EFCAB13: variants seen among roughly 807,000 people sequenced by gnomAD.
EFCAB13 encodes the protein EF-hand calcium binding domain 13, also known as EF-hand calcium-binding domain-containing protein 13.
EFCAB13 carries 91 observed loss-of-function variants against 110.2 expected under a neutral mutation model. That is an observed-to-expected ratio of 0.83 (90% CI 0.70 to 0.98). The LOEUF (loss-of-function observed/expected upper bound fraction) is 0.98. EFCAB13 is among the 50% of genes least tolerant of loss of function. The pLI is 0.00. For missense variants in EFCAB13, 968 were observed against 1,119.4 expected (o/e 0.86, Z 1.93); for synonymous variants, 323 against 369.9 (o/e 0.87, Z 1.45).
chr17:47,369,274 C>G (rs1397266202), intron 10 of EFCAB13, among the ~76,000 whole-genome samples: 1 of 152,174 alleles, frequency 6.6e-6, no homozygotes, highest in Non-Finnish European at 1.5e-5. Flanking sequence ...ATCTAGATGA[C>G]TGAACTTCAG....
At chr17:47,349,843 C>T (rs922542364) in intron 9 of EFCAB13, among the ~76,000 whole-genome samples, 11 of 143,014 alleles carry the variant, frequency 7.7e-5, no homozygotes, top group African/African-American at 1.3e-4. Flanking sequence ...GGCGCAATCT[C>T]GGCTCACTGC....
chr17:47,369,571 A>T (rs1474183210), intron 10 of EFCAB13: 1 of 152,616 alleles, frequency 6.6e-6, no homozygotes, highest in East Asian at 1.9e-4. Context: ...TAAAATAAAC[A>T]TATCTTCCTG....
intron 12 of EFCAB13, among the ~76,000 whole-genome samples, chr17:47,376,878 A>C (rs2065618237): frequency 6.6e-6 from 1 of 152,186 alleles, no homozygotes; most frequent in African/African-American, 2.4e-5. Context: ...GTCTTGTATA[A>C]TACTCTTCAT....
At chr17:47,391,273 C>T (rs888248905) in intron 14 of EFCAB13, among the ~76,000 whole-genome samples, 164 bp from the exon 15 acceptor site, 8 of 152,030 alleles carry the variant, frequency 5.3e-5, no homozygotes, top group African/African-American at 1.9e-4. Flanking sequence ...GATTTTGATA[C>T]TTACTTTTTT....
chr17:47,397,677 T>C (rs1020948193), intron 17 of EFCAB13, among the ~76,000 whole-genome samples: 1 of 137,106 alleles, frequency 7.3e-6, no homozygotes. Flanking sequence ...CCGCCTGGGA[T>C]GTGAGGAGCG....
intron 22 of EFCAB13, among the ~76,000 whole-genome samples, chr17:47,413,232 G>A (rs765375150): frequency 1.7e-5 from 2 of 117,376 alleles, no homozygotes; most frequent in Non-Finnish European, 3.6e-5. Flanking sequence ...TTTTTCAGAG[G>A]AGATCTGCTT....
chr17:47,332,639 A>T lies in EFCAB13; in HGVS notation c.31-2557A>T, dbSNP rs77342384. On this transcript the variant is annotated intron_variant, in intron 4 of 24. Transcript: ENST00000331493. ...GTTTCTATGAGAACAACATTTTTAG[A>T]TTTCACATGTAAGTGAGATCATACA... Among the ~76,000 whole-genome samples the T allele has an allele frequency of 7.5e-3, 1,140 of 151,360 alleles. 16 individuals are homozygous for T. The highest frequency in any genetic ancestry group is 0.026 in the African/African-American group (1,086 of 41,192).
At chr17:47,378,404 A>G (rs1412375174) in intron 13 of EFCAB13, among the ~76,000 whole-genome samples, 2 of 152,128 alleles carry the variant, frequency 1.3e-5, no homozygotes, top group Non-Finnish European at 2.9e-5. Flanking sequence ...AGTTTCTAGG[A>G]AGGGTTTTTA....
At chr17:47,334,471 T>C (rs903281818) in intron 4 of EFCAB13, among the ~76,000 whole-genome samples, 4 of 152,238 alleles carry the variant, frequency 2.6e-5, no homozygotes, top group African/African-American at 7.2e-5. Flanking sequence ...GTTTAACTTA[T>C]CGATTATTTC....
chr17:47,324,034 G>T lies in EFCAB13; in HGVS notation c.-358G>T, dbSNP rs1412038547. ...GGCAGGGGCTGACCACAGAGAGCGC[G>T]GGGGCCTCCAGCCGAGAGGAAGGGA... On this transcript the variant is annotated 5_prime_UTR_variant, in exon 1 of 25. Transcript: ENST00000331493. The T allele has an allele frequency of 6.5e-6, 1 of 152,818 alleles. No homozygotes were observed. The highest frequency in any genetic ancestry group is 1.5e-5 in the Non-Finnish European group (1 of 68,500). 9.5% of individuals were successfully genotyped at this position (152,818 alleles called of 1,614,324 possible). A position where few individuals can be genotyped will look rare whatever the true frequency, so the allele number is the denominator to read the frequency against.
chr17:47,404,794 C>T (rs186407356), intron 20 of EFCAB13, among the ~76,000 whole-genome samples, 161 bp downstream of exon 20: 123 of 152,152 alleles, frequency 8.1e-4, no homozygotes, highest in African/African-American at 2.9e-3. Flanking sequence ...GGGGAACTTC[C>T]TACATTTTAT....
At chr17:47,419,937 T>TCCCTCTCCCTCC (rs1341202996) in intron 23 of EFCAB13, among the ~76,000 whole-genome samples, 5 of 150,158 alleles carry the variant, frequency 3.3e-5, no homozygotes, top group African/African-American at 4.9e-5. Context: ...CCTCTCCCTC[T>TCCCTCTCCCTCC]CCCTCCCTCT....
At chr17:47,390,779 A>T (rs1236658676) in intron 14 of EFCAB13, among the ~76,000 whole-genome samples, 2 of 152,192 alleles carry the variant, frequency 1.3e-5, no homozygotes, top group African/African-American at 4.8e-5. Context: ...TTGTTGAATT[A>T]AATGGAGAAA....
chr17:47,391,625 G>C lies in EFCAB13; in HGVS notation c.1726+45G>C, dbSNP rs765132155. The C allele has an allele frequency of 2.0e-6, 3 of 1,478,908 alleles. No homozygotes were observed. In the South Asian group the frequency reaches 4.5e-5, roughly 22 times the overall value. 91.6% of individuals were successfully genotyped at this position (1,478,908 alleles called of 1,614,324 possible). A position where few individuals can be genotyped will look rare whatever the true frequency, so the allele number is the denominator to read the frequency against. On this transcript the variant is annotated intron_variant, in intron 15 of 24. Transcript: ENST00000331493. ...GCAAACTGCATTGACACATCTGGAA[G>C]GAGGGTCAATTTGTTATTTTTTTCT...
chr17:47,371,304 C>T (rs1340232321), intron 11 of EFCAB13, among the ~76,000 whole-genome samples: 1 of 151,944 alleles, frequency 6.6e-6, no homozygotes, highest in Non-Finnish European at 1.5e-5. Context: ...TTTGCCTAGA[C>T]CAATGTCCTG....
In EFCAB13 at chr17:47,379,175, A is replaced by T; in HGVS notation, c.1511-7A>T. The T allele has an allele frequency of 6.2e-7, 1 of 1,611,848 alleles. No individual in the cohort carries two copies. The highest frequency in any genetic ancestry group is 8.5e-7 in the Non-Finnish European group (1 of 1,178,324). ...GAATGTATAATCTAAACTCTTTTTA[A>T]AAACAGAGAATGGAATGGTGGAGTT... On this transcript the variant is annotated splice_region_variant and splice_polypyrimidine_tract_variant and intron_variant, in intron 13 of 24. Coordinates refer to ENST00000331493, the MANE Select transcript of EFCAB13 (RefSeq NM_152347.5).
In EFCAB13 at chr17:47,344,278, T is replaced by G; in HGVS notation, c.420T>G (p.Ser140=). 6.2e-7 allele frequency: 1 copy of G among 1,612,120 alleles called. No individual in the cohort carries two copies. Among genetic ancestry groups the G allele is most frequent in the Non-Finnish European group, 8.5e-7 (1 of 1,178,744 alleles). The change falls in exon 7 of 25, where the codon TCT becomes TCG. Residue 140 remains serine, a synonymous_variant. Transcript: ENST00000331493. ...AGACTTCATCACCTCTTTGTACATC[T>G]TCTGCAATTACTCGGTATTTAAATC... is the stretch of plus-strand genomic sequence containing the variant. ...VHKTSSPLCT[S]SAITREKEML...
chr17:47,346,155 T>C (rs1399888955), intron 8 of EFCAB13, among the ~76,000 whole-genome samples: 2 of 152,164 alleles, frequency 1.3e-5, no homozygotes, highest in African/African-American at 4.8e-5. Context: ...ATAGAACTTA[T>C]TCATCTTGTG....
intron 9 of EFCAB13, among the ~76,000 whole-genome samples, chr17:47,357,604 G>A (rs2065488278): frequency 6.6e-6 from 1 of 152,148 alleles, no homozygotes; most frequent in African/African-American, 2.4e-5. Flanking sequence ...TCATAGAAGT[G>A]GGATTTCACC....
Sources: allele counts gnomAD v4.1 joint callset (sites outside exome capture counted in the v4.1 genomes callset), GRCh38; gene constraint gnomAD v4.1.1; transcripts MANE v1.5; gene names NCBI Gene and HGNC (gene_info 2026-07-23, HGNC 2026-07-21).